NPAS3: variants seen among roughly 807,000 people sequenced by gnomAD.
NPAS3 encodes the protein neuronal PAS domain-containing protein 3.
A neutral mutation model predicts 73.1 loss-of-function variants in NPAS3; 14 were observed. That is an observed-to-expected ratio of 0.19 (90% confidence interval 0.13 to 0.30). The LOEUF is 0.30. NPAS3 is among the 10% of genes least tolerant of loss of function. The pLI is 1.00. For missense variants in NPAS3, 1,096 were observed against 1,250.0 expected, an observed-to-expected ratio of 0.88 and a Z score of 1.86; for synonymous variants, 620 against 541.5, an observed-to-expected ratio of 1.14 and a Z score of -2.01.
At chr14:33,742,155 A>G (rs555879782) in intron 7 of NPAS3, among the ~76,000 whole-genome samples, 1 of 152,094 alleles carries the variant, frequency 6.6e-6, no homozygotes, top group South Asian at 2.1e-4. Context: ...TAAAAAACAA[A>G]CGCAAGCACA....
At chr14:33,483,041 C>T (rs2051404547) in intron 4 of NPAS3, among the ~76,000 whole-genome samples, 1 of 152,096 alleles carries the variant, frequency 6.6e-6, no homozygotes, top group African/African-American at 2.4e-5. Context: ...GTGGGGAAAG[C>T]AAAGGAAGAC....
At chr14:32,985,137 C>T (rs17099809) in intron 1 of NPAS3, among the ~76,000 whole-genome samples, 84,223 of 152,064 alleles carry the variant, frequency 0.55, 25,631 homozygotes, top group Non-Finnish European at 0.69. Flanking sequence ...AACATTGTCT[C>T]AGCTTGATGT....
intron 4 of NPAS3, among the ~76,000 whole-genome samples, chr14:33,440,115 C>CAA (rs368527118): frequency 0.21 from 23,375 of 109,706 alleles, 2,269 homozygotes; most frequent in East Asian, 0.48. Flanking sequence ...CAGTCTGTCT[C>CAA]AAAAAAAAAA....
intron 2 of NPAS3, among the ~76,000 whole-genome samples, chr14:33,156,727 A>G (rs557112087): frequency 3.5e-4 from 54 of 152,308 alleles, no homozygotes; most frequent in Middle Eastern, 6.8e-3. Context: ...TCCATTACAA[A>G]TATAAACTGG....
intron 5 of NPAS3, among the ~76,000 whole-genome samples, chr14:33,619,655 C>T (rs1489032845): frequency 6.6e-6 from 1 of 152,140 alleles, no homozygotes; most frequent in African/African-American, 2.4e-5. Flanking sequence ...ATGTAGCTTG[C>T]AATGATAAAA....
At chr14:33,394,503 T>C (rs112925253) in intron 4 of NPAS3, among the ~76,000 whole-genome samples, 6 of 152,312 alleles carry the variant, frequency 3.9e-5, no homozygotes, top group African/African-American at 1.4e-4. Flanking sequence ...GATGAGAATT[T>C]ATAGCCCCTG....
At chr14:33,271,125 C>T (rs74042012) in intron 3 of NPAS3, among the ~76,000 whole-genome samples, 5,105 of 152,204 alleles carry the variant, frequency 0.034, 287 homozygotes, top group African/African-American at 0.11. Flanking sequence ...TATAGAAATA[C>T]GACTGGATAA....
At chr14:33,309,823 G>A (rs186982327) in intron 3 of NPAS3, among the ~76,000 whole-genome samples, 4 of 152,222 alleles carry the variant, frequency 2.6e-5, no homozygotes, top group Admixed American at 1.3e-4. Context: ...CCTTCCCCTG[G>A]CATGTTAAAA....
At chr14:33,405,974 T>A (rs1203992852) in intron 4 of NPAS3, among the ~76,000 whole-genome samples, 1 of 152,150 alleles carries the variant, frequency 6.6e-6, no homozygotes, top group Non-Finnish European at 1.5e-5. Flanking sequence ...CGGTTAAATT[T>A]TTTTTTAAAA....
chr14:33,675,581 G>A (rs2059738696), intron 5 of NPAS3, among the ~76,000 whole-genome samples: 1 of 152,188 alleles, frequency 6.6e-6, no homozygotes, highest in Admixed American at 6.5e-5. Flanking sequence ...AAATATGGCT[G>A]CTTCAGACCC....
intron 4 of NPAS3, among the ~76,000 whole-genome samples, chr14:33,557,439 G>C (rs572633045): frequency 1.3e-5 from 2 of 152,200 alleles, no homozygotes; most frequent in African/African-American, 2.4e-5. Flanking sequence ...TCAAAAGCAA[G>C]GGGTGATGTT....
At chr14:33,179,833 A>G (rs573034035) in intron 2 of NPAS3, among the ~76,000 whole-genome samples, 18 of 152,346 alleles carry the variant, frequency 1.2e-4, no homozygotes, top group Non-Finnish European at 1.8e-4. Flanking sequence ...TTTAAATTCT[A>G]AATGCACATG....
At chr14:33,471,831 G>A (rs1017619652) in intron 4 of NPAS3, among the ~76,000 whole-genome samples, 9 of 152,284 alleles carry the variant, frequency 5.9e-5, no homozygotes, top group South Asian at 2.1e-4. Context: ...GCAGGCAAGC[G>A]GCGAGCGAGA....
At chr14:33,333,325 G>A (rs376359554) in intron 3 of NPAS3, among the ~76,000 whole-genome samples, 3 of 152,302 alleles carry the variant, frequency 2.0e-5, no homozygotes, top group African/African-American at 2.4e-5. Flanking sequence ...CCTGGAATTA[G>A]CAAACAGATG....
chr14:33,289,683 A>C (rs2042018064), intron 3 of NPAS3, among the ~76,000 whole-genome samples: 1 of 151,984 alleles, frequency 6.6e-6, no homozygotes, highest in South Asian at 2.1e-4. Flanking sequence ...TTAGCCGGGC[A>C]TGATGGGGCA....
chr14:33,335,905 A>C (rs1382306781), intron 3 of NPAS3, among the ~76,000 whole-genome samples: 1 of 152,180 alleles, frequency 6.6e-6, no homozygotes. Flanking sequence ...GTAAACATTC[A>C]TGTAGAAATC....
At chr14:33,318,909 T>C (rs2043320190) in intron 3 of NPAS3, among the ~76,000 whole-genome samples, 1 of 152,136 alleles carries the variant, frequency 6.6e-6, no homozygotes, top group Non-Finnish European at 1.5e-5. Flanking sequence ...ATCTTCCAAT[T>C]GTACTGTGCA....
intron 1 of NPAS3, among the ~76,000 whole-genome samples, chr14:33,006,663 ACTCATTT>A (rs1296962479): frequency 6.6e-6 from 1 of 152,096 alleles, no homozygotes; most frequent in Non-Finnish European, 1.5e-5. Flanking sequence ...CAATGGGTGG[ACTCATTT>A]CTCTATTCTT....
intron 2 of NPAS3, among the ~76,000 whole-genome samples, chr14:33,132,774 A>C (rs183894916): frequency 6.6e-6 from 1 of 152,330 alleles, no homozygotes; most frequent in East Asian, 1.9e-4. Context: ...ATCAGTGTTC[A>C]AAGCCAGATG....
Sources: gnomAD v4.1 joint callset for allele counts (sites outside exome capture counted in the v4.1 genomes callset) on GRCh38, gnomAD v4.1.1 for gene constraint, MANE v1.5 for transcripts, NCBI Gene and HGNC (gene_info 2026-07-23, HGNC 2026-07-21) for gene names.